UGT3A2: variants seen among roughly 807,000 people sequenced by gnomAD.
UGT3A2 encodes the protein UDP glycosyltransferase family 3 member A2, also known as UDP-glycosyltransferase 3A2.
A neutral mutation model predicts 39.8 loss-of-function variants in UGT3A2; 32 were observed. That is an observed-to-expected ratio of 0.80 (90% CI 0.61 to 1.08). UGT3A2 has a LOEUF of 1.08. Among genes scored for constraint, UGT3A2 ranks in the 50% least tolerant of loss-of-function variants. The pLI, the probability that UGT3A2 is intolerant of heterozygous loss-of-function variation, is 0.00. For missense variants in UGT3A2, 611 were observed against 637.1 expected, an observed-to-expected ratio of 0.96 and a Z score of 0.44; for synonymous variants, 241 against 230.7, an observed-to-expected ratio of 1.04 and a Z score of -0.40.
Position 36,035,821 on chromosome 5 carries a change from C to T in UGT3A2, c.1449G>A (p.Gln483=). Residue 483 remains glutamine, a synonymous_variant, in exon 7 of 7, where the codon CAG becomes CAA. Transcript: ENST00000282507. Reference sequence around the variant, plus strand: ...GAAACACAAAAACGTCGAGCAGGTACTGCTCATGCCAGGGCTGCTGAAAGA... The same window carrying T: ...GAAACACAAAAACGTCGAGCAGGTATTGCTCATGCCAGGGCTGCTGAAAGA... The part of the protein sequence containing the change: ...PYVFQQPWHE[Q]YLLDVFVFLL... The T allele has an allele frequency of 6.2e-7, 1 of 1,614,206 alleles. No homozygotes were observed. The highest frequency in any genetic ancestry group is 8.5e-7 in the Non-Finnish European group (1 of 1,180,038).
intron 4 of UGT3A2, among the ~76,000 whole-genome samples, chr5:36,048,432 C>T (rs74778561): frequency 0.016 from 2,438 of 152,234 alleles, 59 homozygotes; most frequent in African/African-American, 0.056. Context: ...GAGATAACAC[C>T]GGCAGTTCTT....
chr5:36,062,310 C>T (rs1292635700), intron 2 of UGT3A2, among the ~76,000 whole-genome samples: 1 of 151,714 alleles, frequency 6.6e-6, no homozygotes, highest in African/African-American at 2.4e-5. Context: ...GACATGAAGT[C>T]CTTGCCCATG....
chr5:36,066,300 A>C (rs1378489563), intron 1 of UGT3A2, among the ~76,000 whole-genome samples: 1 of 152,064 alleles, frequency 6.6e-6, no homozygotes, highest in African/African-American at 2.4e-5. Context: ...CACTGTTTCT[A>C]CTGGAAGCTA....
Position 36,037,977 on chromosome 5 carries a change from T to C in UGT3A2, c.1115A>G (p.Gln372Arg), listed in dbSNP as rs1347722822. ...SIRLFVTHGG[Q>R]NSIMEAIQHG... Reference sequence around the variant, plus strand: ...CTGGATGGCCTCCATTATGCTATTCTGCCCGCCGTGGGTGACAAACAGACG... The same window carrying C: ...CTGGATGGCCTCCATTATGCTATTCCGCCCGCCGTGGGTGACAAACAGACG... The change falls in exon 6 of 7, where the codon CAG becomes CGG. Residue 372 changes from glutamine to arginine, a missense_variant. Coordinates refer to ENST00000282507, the MANE Select transcript of UGT3A2 (RefSeq NM_174914.4). 5 of 1,612,064 alleles carry C rather than the reference T, an allele frequency of 3.1e-6. No homozygotes were observed. The highest frequency in any genetic ancestry group is 1.3e-5 in the African/African-American group (1 of 74,958).
rs1459270711 is a variant in UGT3A2, at chr5:36,035,468, G to A, written c.*230C>T. The A allele has an allele frequency of 1.7e-6, 1 of 582,822 alleles. No homozygotes were observed. Among genetic ancestry groups the A allele is most frequent in the African/African-American group, 1.9e-5 (1 of 53,538 alleles). The allele number at this position is 582,822 out of a possible 1,614,324, so 36.1% of individuals were successfully genotyped here. ...TAGCCCTTGCTGATGGCAAACAAAGGAGGACAAGAGGACTGGAAAGAATTC... is the reference window on the plus strand; with the variant it reads ...TAGCCCTTGCTGATGGCAAACAAAGAAGGACAAGAGGACTGGAAAGAATTC... On this transcript the variant is annotated 3_prime_UTR_variant, in exon 7 of 7. Coordinates refer to ENST00000282507, the MANE Select transcript of UGT3A2 (RefSeq NM_174914.4).
In UGT3A2 at chr5:36,049,115, A is replaced by T; in HGVS notation, c.617T>A (p.Met206Lys). 2 of 1,614,172 alleles carry T rather than the reference A, an allele frequency of 1.2e-6. No individual in the cohort carries two copies. Among genetic ancestry groups the T allele is most frequent in the African/African-American group, 2.7e-5 (2 of 75,058 alleles). Residue 206 changes from methionine (M) to lysine (K), a missense_variant, in exon 4 of 7, where the codon ATG (methionine) becomes AAG (lysine). Physicochemically the swap from Met to Lys is moderately conservative, Grantham distance 95. Transcript: ENST00000282507. ...DFWGRVKNFL[M>K]FFSFCRRQQH... ...TTGCCTCCTGCAGAAACTAAAGAAC[A>T]TCAGAAAATTCTTCACTCGGCCCCA...
intron 4 of UGT3A2, among the ~76,000 whole-genome samples, chr5:36,046,425 A>G (rs1742167420): frequency 6.6e-6 from 1 of 152,262 alleles, no homozygotes; most frequent in Admixed American, 6.5e-5. Context: ...AGAACTCATC[A>G]GCCATAAAAA....
chr5:36,059,841 G>A (rs976363334), intron 2 of UGT3A2, among the ~76,000 whole-genome samples: 5 of 152,176 alleles, frequency 3.3e-5, no homozygotes, highest in African/African-American at 1.2e-4. Context: ...ATTTACTAAG[G>A]TGGGGACCAG....
At chr5:36,057,765 C>G (rs1742560459) in intron 2 of UGT3A2, among the ~76,000 whole-genome samples, 1 of 151,960 alleles carries the variant, frequency 6.6e-6, no homozygotes, top group South Asian at 2.1e-4. Flanking sequence ...GGTTTTAACT[C>G]CTGGGCTCAA....
chr5:36,041,506 C>G (rs1460683129), intron 4 of UGT3A2, among the ~76,000 whole-genome samples: 1 of 152,080 alleles, frequency 6.6e-6, no homozygotes, highest in African/African-American at 2.4e-5. Context: ...TTTGTGTCAC[C>G]CCTCCCCCAA....
chr5:36,061,677 T>G (rs1381009643), intron 2 of UGT3A2, among the ~76,000 whole-genome samples: 1 of 150,192 alleles, frequency 6.7e-6, no homozygotes, highest in Admixed American at 6.6e-5. Flanking sequence ...TCTTTGCTAT[T>G]GTGAATAATG....
At chr5:36,055,229 G>GC (rs1742471452) in intron 2 of UGT3A2, among the ~76,000 whole-genome samples, 1 of 25,088 alleles carries the variant, frequency 4.0e-5, no homozygotes, top group African/African-American at 9.7e-5. Flanking sequence ...TCTGCAGTTT[G>GC]TTTTTTTTTT....
chr5:36,061,082 G>A (rs537109646), intron 2 of UGT3A2, among the ~76,000 whole-genome samples: 2 of 152,150 alleles, frequency 1.3e-5, no homozygotes, highest in Non-Finnish European at 2.9e-5. Context: ...TAAGGTACCA[G>A]AATCGCTTGA....
chr5:36,065,273 C>A (rs1354060948), intron 1 of UGT3A2, among the ~76,000 whole-genome samples: 2 of 152,128 alleles, frequency 1.3e-5, no homozygotes, highest in Non-Finnish European at 2.9e-5. Context: ...GTGTTCAGCT[C>A]TCTGAATGAC....
chr5:36,038,765 TA>T (rs1298822891), intron 5 of UGT3A2, among the ~76,000 whole-genome samples: 1 of 152,254 alleles, frequency 6.6e-6, no homozygotes, highest in African/African-American at 2.4e-5. Flanking sequence ...ACCAGGAATC[TA>T]CTTCTTAAAT....
Position 36,066,806 on chromosome 5 carries a change from G to A in UGT3A2, c.-17C>T. 2 of 1,614,146 alleles carry A rather than the reference G, an allele frequency of 1.2e-6. No homozygotes were observed. The highest frequency in any genetic ancestry group is 2.7e-5 in the African/African-American group (2 of 75,062). On this transcript the variant is annotated 5_prime_UTR_variant, in exon 1 of 7. Transcript: ENST00000282507. ...CCCAGCCATGCTCACTTCTACGGAA[G>A]CCGCGGATCTCAGCCTGGGCTGCGC... is the stretch of plus-strand genomic sequence containing the variant.
chr5:36,044,759 G>A (rs1371059230), intron 4 of UGT3A2, among the ~76,000 whole-genome samples: 5 of 151,876 alleles, frequency 3.3e-5, no homozygotes, highest in Non-Finnish European at 7.4e-5. Flanking sequence ...AAATACCTAG[G>A]AATAAAGTTA....
chr5:36,035,694 G>C lies in UGT3A2; in HGVS notation c.*4C>G. The C allele has an allele frequency of 6.2e-7, 1 of 1,613,670 alleles. No homozygotes were observed. The highest frequency in any genetic ancestry group is 1.1e-5 in the South Asian group (1 of 91,064). On this transcript the variant is annotated 3_prime_UTR_variant, in exon 7 of 7. Coordinates refer to ENST00000282507, the MANE Select transcript of UGT3A2 (RefSeq NM_174914.4). ...AACAGACCCCGCCAAGGCTGCACCTGGCCTTATGTCTCCTTCACCTTTCTG... is the reference window on the plus strand; with the variant it reads ...AACAGACCCCGCCAAGGCTGCACCTCGCCTTATGTCTCCTTCACCTTTCTG...
rs1426798064 is a variant in UGT3A2 at position 36,035,399 on chromosome 5, C to A, written c.*299G>T. The A allele has an allele frequency of 5.4e-6, 2 of 369,304 alleles. No individual in the cohort carries two copies. Among genetic ancestry groups the A allele is most frequent in the Non-Finnish European group, 1.0e-5 (2 of 199,754 alleles). The allele number at this position is 369,304 out of a possible 1,614,324, so 22.9% of individuals were successfully genotyped here. ...GAAGGTGGATTTTAAGGCTGGAAAT[C>A]TGAGGGTCAGTGGTCCAAGTCACTC... On this transcript the variant is annotated 3_prime_UTR_variant, in exon 7 of 7. Transcript: ENST00000282507.
Sources: gnomAD v4.1 joint callset for allele counts (sites outside exome capture counted in the v4.1 genomes callset) on GRCh38, gnomAD v4.1.1 for gene constraint, MANE v1.5 for transcripts, NCBI Gene and HGNC (gene_info 2026-07-23, HGNC 2026-07-21) for gene names.